The following ABCA1 variants were observed in gnomAD, a reference collection of about 807,000 sequenced individuals.
ABCA1 encodes ATP binding cassette subfamily A member 1.
In ABCA1, 133 loss-of-function variants were observed where a neutral mutation model predicts 262.5. The ratio of observed to expected loss-of-function variants is 0.51; its 90% CI spans 0.44 to 0.59. The LOEUF is 0.59. ABCA1 is among the 20% of genes least tolerant of loss of function. The probability of loss-of-function intolerance (pLI) is 0.00; values close to 1 mark genes in which losing one functional copy is unlikely to be tolerated. For missense variants in ABCA1, 2,452 were observed against 2,777.5 expected (o/e 0.88, Z 2.63); for synonymous variants, 1,022 against 1,043.5 (o/e 0.98, Z 0.40).
At chr9:104,880,903 C>T (rs1369986167) in intron 5 of ABCA1, among the ~76,000 whole-genome samples, 1 of 152,160 alleles carries the variant, frequency 6.6e-6, no homozygotes, top group Non-Finnish European at 1.5e-5. Flanking sequence ...GTAATCCCAG[C>T]ACTTTGGAAG....
intron 27 of ABCA1, among the ~76,000 whole-genome samples, chr9:104,813,728 T>C (rs1337456329): frequency 1.3e-5 from 2 of 152,226 alleles, no homozygotes; most frequent in African/African-American, 4.8e-5. Flanking sequence ...TATCTAAGTC[T>C]TAGGGTACAA....
chr9:104,800,989 C>G (rs1830284627), intron 34 of ABCA1, among the ~76,000 whole-genome samples: 3 of 152,040 alleles, frequency 2.0e-5, no homozygotes, highest in African/African-American at 7.2e-5. Flanking sequence ...CTAGGACTAT[C>G]ACTGCTGTCC....
chr9:104,796,334 G>A lies in ABCA1; in HGVS notation c.5212C>T (p.Leu1738=). ...SYVSSTNLPV[L]ALLLLLYGWS... The stretch of plus-strand genomic sequence containing the variant: ...CCATACAGCAAAAGTAGAAGGGCTA[G>A]CACAGGCAGATTGGTGGAGGACACA... The change falls in exon 38 of 50, where the codon CTA becomes TTA. Residue 1738 remains leucine, a synonymous_variant. Coordinates refer to ENST00000374736, the MANE Select transcript of ABCA1 (RefSeq NM_005502.4). 2.5e-6 allele frequency: 4 copies of A among 1,614,200 alleles called. No homozygotes were observed. Among genetic ancestry groups the A allele is most frequent in the Non-Finnish European group, 3.4e-6 (4 of 1,180,020 alleles).
At position 104,832,712 on chromosome 9, in the gene ABCA1, A is replaced by G. The variant is rs369118870; in HGVS notation, c.1371T>C (p.Asp457=). ...HFWEQQLDGL[D]WTAQDIVAFL... ...ACGCCACGATGTCTTGGGCTGTCCA[A>G]TCTAAGCCATCCAACTGCTGTTCCC... Residue 457 remains aspartate, a synonymous_variant, in exon 12 of 50, where the codon GAT becomes GAC. Coordinates refer to ENST00000374736, the MANE Select transcript of ABCA1 (RefSeq NM_005502.4). 11 of 1,614,078 alleles carry G rather than the reference A, an allele frequency of 6.8e-6. No homozygotes were observed. The African/African-American group carries it at 1.5e-4, about 22-fold the overall frequency.
chr9:104,844,389 G>C (rs947962942), intron 8 of ABCA1, among the ~76,000 whole-genome samples: 7 of 151,760 alleles, frequency 4.6e-5, no homozygotes, highest in African/African-American at 1.7e-4. Context: ...GAACCCAAAA[G>C]TCAGACCTCA....
chr9:104,828,866 G>T, intron 15 of ABCA1, 50 bp downstream of exon 15: 1 of 1,580,766 alleles, frequency 6.3e-7, no homozygotes, highest in Non-Finnish European at 8.7e-7. Context: ...AGCCCGTGTT[G>T]AGCTATTTCG....
At chr9:104,814,333 G>A (rs1831540150) in intron 26 of ABCA1, 94 bp downstream of exon 26, 3 of 1,561,540 alleles carry the variant, frequency 1.9e-6, no homozygotes, top group Non-Finnish European at 2.6e-6. Context: ...GAATGCAATA[G>A]AACAATTCAA....
At chr9:104,814,595 C>T in intron 25 of ABCA1, 120 bp from the exon 26 acceptor site, 1 of 1,029,898 alleles carries the variant, frequency 9.7e-7, no homozygotes, top group Non-Finnish European at 1.5e-6. Flanking sequence ...AAAGTAGAAG[C>T]CACATTTCTT....
At chr9:104,786,590 G>C (rs1828951698) in intron 47 of ABCA1, among the ~76,000 whole-genome samples, 200 bp from the exon 48 acceptor site, 1 of 152,154 alleles carries the variant, frequency 6.6e-6, no homozygotes, top group Non-Finnish European at 1.5e-5. Context: ...TCTACAAAAG[G>C]GGGAATAGTT....
chr9:104,784,027 T>A lies in ABCA1; in HGVS notation c.*288A>T. The A allele has an allele frequency of 1.2e-5, 4 of 336,370 alleles. No homozygotes were observed. The highest frequency in any genetic ancestry group is 2.2e-5 in the Non-Finnish European group (4 of 181,146). The allele number at this position is 336,370 out of a possible 1,614,324, so 20.8% of individuals were successfully genotyped here. ...AAAAAAAAGTGTGAGTTCAAACCCATATGTCCATTGGGTTCCATAATAGAG... is the reference window on the plus strand; with the variant it reads ...AAAAAAAAGTGTGAGTTCAAACCCAAATGTCCATTGGGTTCCATAATAGAG... On this transcript the variant is annotated 3_prime_UTR_variant, in exon 50 of 50. Coordinates refer to ENST00000374736, the MANE Select transcript of ABCA1 (RefSeq NM_005502.4).
chr9:104,821,455 C>T lies in ABCA1; in HGVS notation c.2880G>A (p.Leu960=). 1.2e-6 allele frequency: 2 copies of T among 1,614,084 alleles called. No individual in the cohort carries two copies. The highest frequency in any genetic ancestry group is 1.7e-6 in the Non-Finnish European group (2 of 1,180,014). The change falls in exon 20 of 50, where the codon CTG becomes CTA. Residue 960 remains leucine (L), a synonymous_variant. Coordinates refer to ENST00000374736, the MANE Select transcript of ABCA1 (RefSeq NM_005502.4). ...FPPTSGTAYI[L]GKDIRSEMST... ...TCATCTCAGAGCGAATGTCTTTTCC[C>T]AGGATGTAGGCGGTGCCCGAGGTCG...
chr9:104,791,340 G>C (rs10124686), intron 43 of ABCA1, among the ~76,000 whole-genome samples: 1 of 152,088 alleles, frequency 6.6e-6, no homozygotes, highest in Admixed American at 6.5e-5. Context: ...GAACACAAAC[G>C]GAAACCAGAA....
At chr9:104,839,179 A>G (rs1834132284) in intron 9 of ABCA1, among the ~76,000 whole-genome samples, 2 of 152,236 alleles carry the variant, frequency 1.3e-5, no homozygotes, top group Admixed American at 1.3e-4. Context: ...ACGGGCCCAC[A>G]AAAGTGCTTA....
At chr9:104,810,773 C>T in intron 29 of ABCA1, 27 bp downstream of exon 29, 1 of 1,614,170 alleles carries the variant, frequency 6.2e-7, no homozygotes, top group African/African-American at 1.3e-5. Flanking sequence ...ATCTTACCCC[C>T]TCCTGGGATG....
intron 45 of ABCA1, 116 bp downstream of exon 45, chr9:104,788,310 G>A: frequency 7.9e-7 from 1 of 1,268,732 alleles, no homozygotes; most frequent in African/African-American, 1.5e-5. Flanking sequence ...CCAGCATTTT[G>A]TGCTGCTGCA....
intron 2 of ABCA1, among the ~76,000 whole-genome samples, chr9:104,894,871 CTCTAAAAT>C (rs1840064574): frequency 6.6e-6 from 1 of 152,196 alleles, no homozygotes; most frequent in Non-Finnish European, 1.5e-5. Context: ...TATCTTGGAC[CTCTAAAAT>C]TCTTCCCATC....
intron 7 of ABCA1, among the ~76,000 whole-genome samples, chr9:104,846,102 T>C (rs1193458636): frequency 6.6e-6 from 1 of 152,248 alleles, no homozygotes; most frequent in Non-Finnish European, 1.5e-5. Flanking sequence ...CAAATCTTTA[T>C]ATGTACCAAT....
intron 3 of ABCA1, among the ~76,000 whole-genome samples, chr9:104,885,558 A>G (rs1255305083): frequency 6.6e-6 from 1 of 152,170 alleles, no homozygotes; most frequent in African/African-American, 2.4e-5. Flanking sequence ...GTCACTAATT[A>G]AAACAATGAG....
Position 104,796,202 on chromosome 9 carries a change from T to A in ABCA1, c.5238-5A>T. On this transcript the variant is annotated splice_region_variant and splice_polypyrimidine_tract_variant and intron_variant, in intron 38 of 49. Transcript: ENST00000374736. Reference sequence around the variant, plus strand: ...ATGAGAGGTGTGATTGACCACCTGTTGAGACACAAAAAGATAAGTGTCTAC... The same window carrying A: ...ATGAGAGGTGTGATTGACCACCTGTAGAGACACAAAAAGATAAGTGTCTAC... 6.2e-7 allele frequency: 1 copy of A among 1,614,172 alleles called. No individual in the cohort carries two copies. The highest frequency in any genetic ancestry group is 8.5e-7 in the Non-Finnish European group (1 of 1,180,022).
Sources: gnomAD v4.1 joint callset for allele counts (sites outside exome capture counted in the v4.1 genomes callset) on GRCh38, gnomAD v4.1.1 for gene constraint, MANE v1.5 for transcripts, NCBI Gene and HGNC (gene_info 2026-07-23, HGNC 2026-07-21) for gene names.